CHERP: variants seen among roughly 807,000 people sequenced by gnomAD.
CHERP encodes the protein ERPROT 213-21.
A neutral mutation model predicts 113.8 loss-of-function variants in CHERP; 8 were observed. That is an observed-to-expected ratio of 0.07 (90% CI 0.04 to 0.13). The LOEUF (loss-of-function observed/expected upper bound fraction) is 0.13. Among genes scored for constraint, CHERP ranks in the 10% least tolerant of loss-of-function variants. The probability of loss-of-function intolerance (pLI) is 1.00; values close to 1 mark genes in which losing one functional copy is unlikely to be tolerated. For missense variants in CHERP, 884 were observed against 1,298.2 expected, an observed-to-expected ratio of 0.68 and a Z score of 4.90; for synonymous variants, 559 against 524.5, an observed-to-expected ratio of 1.07 and a Z score of -0.90.
At position 16,530,439 on chromosome 19, in the gene CHERP, C is replaced by T. The variant is rs1212348473; in HGVS notation, c.876+146G>A. On this transcript the variant is annotated intron_variant, in intron 7 of 16. Transcript: ENST00000546361. The surrounding 1 kb of genome is among the most constrained non-coding windows in gnomAD (Gnocchi z 4.1). Reference sequence around the variant, plus strand: ...GAAATGTCACCTGGGACTCTCTGGTCAACACACACTGGCTACTCCTAGCAC... The same window carrying T: ...GAAATGTCACCTGGGACTCTCTGGTTAACACACACTGGCTACTCCTAGCAC... 2 of 739,870 alleles carry T rather than the reference C, an allele frequency of 2.7e-6. No individual in the cohort carries two copies. The highest frequency in any genetic ancestry group is 3.5e-5 in the African/African-American group (2 of 57,542). 45.8% of individuals were successfully genotyped at this position (739,870 alleles called of 1,614,324 possible).
intron 9 of CHERP, among the ~76,000 whole-genome samples, chr19:16,526,757 C>T (rs1054026919): frequency 1.3e-4 from 19 of 151,812 alleles, no homozygotes; most frequent in Admixed American, 5.2e-4. Context: ...TTAGCCACCA[C>T]GCCCAGCCTT....
intron 11 of CHERP, 101 bp from the exon 12 acceptor site, chr19:16,521,755 T>C: frequency 8.6e-7 from 1 of 1,163,298 alleles, no homozygotes; most frequent in African/African-American, 1.6e-5. Flanking sequence ...CCAGGTTCAG[T>C]GTCAAGGGTA....
In CHERP at chr19:16,530,603, C is replaced by A. The variant is rs775359545; in HGVS notation, c.858G>T (p.Leu286=). 6.2e-7 allele frequency: 1 copy of A among 1,614,006 alleles called. No individual in the cohort carries two copies. Among genetic ancestry groups the A allele is most frequent in the Non-Finnish European group, 8.5e-7 (1 of 1,179,922 alleles). ...CACTCACCTGGTACTGACCAAGCCC[C>A]AGGGCTGGGCTCTGTAGCTGCTGAA... The part of the protein sequence containing the change: ...SIIQQLQSPA[L]GLGQYQATLI... Residue 286 remains leucine (L), a synonymous_variant, in exon 7 of 17, where the codon CTG becomes CTT. Coordinates refer to ENST00000546361, the MANE Select transcript of CHERP (RefSeq NM_006387.6). This position sits in a 1 kb window ranked among gnomAD's most constrained non-coding sequence, Gnocchi z 4.1.
chr19:16,524,975 G>A (rs1260478751), intron 10 of CHERP, among the ~76,000 whole-genome samples: 3 of 152,132 alleles, frequency 2.0e-5, no homozygotes, highest in East Asian at 1.9e-4. Flanking sequence ...GCCCCGCCCT[G>A]CCCTCGCCAC....
intron 11 of CHERP, among the ~76,000 whole-genome samples, chr19:16,522,709 C>T (rs1239103778): frequency 6.6e-6 from 1 of 152,158 alleles, no homozygotes; most frequent in East Asian, 1.9e-4. Context: ...CCTTCTAAGA[C>T]ATTCCCTCCA....
intron 3 of CHERP, 32 bp from the exon 4 acceptor site, chr19:16,533,180 C>A: frequency 6.4e-7 from 1 of 1,561,928 alleles, no homozygotes; most frequent in Non-Finnish European, 8.7e-7. Flanking sequence ...GTCGAGAACA[C>A]ATGAGGAGGG....
Position 16,532,116 on chromosome 19 carries a change from T to C in CHERP, c.674+482A>G, listed in dbSNP as rs2085709552. On this transcript the variant is annotated intron_variant, in intron 5 of 16. Coordinates refer to ENST00000546361, the MANE Select transcript of CHERP (RefSeq NM_006387.6). The surrounding 1 kb of genome is among the most constrained non-coding windows in gnomAD (Gnocchi z 4.4). ...AGAGGGTCGGCAGATGTGGCTCTGT[T>C]GAAGCCTGAGAGATGGGTCAGGGCT... 1 of 155,078 alleles carries C rather than the reference T, an allele frequency of 6.4e-6. No homozygotes were observed. The highest frequency in any genetic ancestry group is 1.4e-5 in the Non-Finnish European group (1 of 69,972). The allele number at this position is 155,078 out of a possible 1,614,324, so 9.6% of individuals were successfully genotyped here.
chr19:16,525,875 T>C lies in CHERP; in HGVS notation c.1306-198A>G, dbSNP rs1267440180. Among the ~76,000 whole-genome samples, 3 of 152,122 alleles carry C rather than the reference T, an allele frequency of 2.0e-5. No homozygotes were observed. The highest frequency in any genetic ancestry group is 4.4e-5 in the Non-Finnish European group (3 of 68,006). On this transcript the variant is annotated intron_variant, in intron 9 of 16. Transcript: ENST00000546361. The surrounding 1 kb of genome is among the most constrained non-coding windows in gnomAD (Gnocchi z 6.5). ...GCCCGCACCACATGCTGCTGCAAAA[T>C]GACCAGACACCCAACCGCTGCACCC...
chr19:16,523,061 G>A lies in CHERP; in HGVS notation c.1971C>T (p.Pro657=), dbSNP rs777195535. 4.6e-6 allele frequency: 7 copies of A among 1,513,220 alleles called. No homozygotes were observed. Among genetic ancestry groups the A allele is most frequent in the Non-Finnish European group, 6.2e-6 (7 of 1,134,672 alleles). The allele number at this position is 1,513,220 out of a possible 1,614,324, so 93.7% of individuals were successfully genotyped here. The change falls in exon 11 of 17, where the codon CCC becomes CCT. Residue 657 remains proline (P), a synonymous_variant. Coordinates refer to ENST00000546361, the MANE Select transcript of CHERP (RefSeq NM_006387.6). The surrounding 1 kb of genome is among the most constrained non-coding windows in gnomAD (Gnocchi z 4.0). The stretch of plus-strand genomic sequence containing the variant: ...CACTGTGGGGCATTACCTTCACGAG[G>A]GGGGCCATCAGCCCAGCAGGGAGAT... ...YFDLPAGLMA[P]LVKLEDHEYK... is the part of the protein sequence containing the mutation.
Position 16,529,902 on chromosome 19 carries a change from TGA to T in CHERP, c.877-4_877-3del. On this transcript the variant is annotated splice_region_variant and splice_polypyrimidine_tract_variant and intron_variant, in intron 7 of 16. Coordinates refer to ENST00000546361, the MANE Select transcript of CHERP (RefSeq NM_006387.6). Reference sequence around the variant, plus strand: ...GGAGTACTCGTTGATGAGGGTGGCCTGAGAGAGAGAAGAGCACCCGCTGCTCA... The same window carrying T: ...GGAGTACTCGTTGATGAGGGTGGCCTGAGAGAGAAGAGCACCCGCTGCTCA... The T allele has an allele frequency of 6.2e-7, 1 of 1,612,030 alleles. No individual in the cohort carries two copies.
At chr19:16,531,975 C>CT (rs2085708539) in intron 5 of CHERP, 1 of 115,166 alleles carries the variant, frequency 8.7e-6, no homozygotes, top group Non-Finnish European at 1.8e-5. Flanking sequence ...TTTTTTTTTT[C>CT]TTTTTTGCTA....
Position 16,541,549 on chromosome 19 carries a change from CTA to C in CHERP, c.199+319_199+320del, listed in dbSNP as rs1471500369. ...TGTCCCATGGACTCCCATCCGGCCT[CTA>C]TCACTTCCTCCCTAGAAAACACTAA... is the stretch of plus-strand genomic sequence containing the variant. On this transcript the variant is annotated intron_variant, in intron 2 of 16. Coordinates refer to ENST00000546361, the MANE Select transcript of CHERP (RefSeq NM_006387.6). The C allele has an allele frequency of 2.3e-5, 6 of 266,062 alleles. No individual in the cohort carries two copies. The East Asian group carries it at 4.0e-4, about 18-fold the overall frequency. The allele number at this position is 266,062 out of a possible 1,614,324, so 16.5% of individuals were successfully genotyped here.
rs544661209 is a variant in CHERP, at chr19:16,535,648, G to C, written c.200-12C>G. The C allele has an allele frequency of 6.7e-7, 1 of 1,494,702 alleles. No individual in the cohort carries two copies. Among genetic ancestry groups the C allele is most frequent in the South Asian group, 1.3e-5 (1 of 75,642 alleles). The allele number at this position is 1,494,702 out of a possible 1,614,324, so 92.6% of individuals were successfully genotyped here. On this transcript the variant is annotated splice_polypyrimidine_tract_variant and intron_variant, in intron 2 of 16. Transcript: ENST00000546361. This position sits in a 1 kb window ranked among gnomAD's most constrained non-coding sequence, Gnocchi z 4.3. ...CTGCTTGCAGATGACTGGAGGGAGA[G>C]GAGGAGGGGTGCCCCATGAGAATGC...
intron 2 of CHERP, among the ~76,000 whole-genome samples, chr19:16,539,436 C>T (rs1033579351): frequency 1.3e-5 from 2 of 152,178 alleles, no homozygotes; most frequent in Non-Finnish European, 2.9e-5. Flanking sequence ...CGTGAGCCAC[C>T]GCGCCCGGCC....
chr19:16,527,182 G>C (rs1017780298), intron 9 of CHERP, among the ~76,000 whole-genome samples: 2 of 152,198 alleles, frequency 1.3e-5, no homozygotes, highest in African/African-American at 4.8e-5. Context: ...GACTGAGCCT[G>C]GAGACACTAA....
chr19:16,524,894 G>A (rs1033761680), intron 10 of CHERP, among the ~76,000 whole-genome samples: 1 of 151,898 alleles, frequency 6.6e-6, no homozygotes, highest in Non-Finnish European at 1.5e-5. Context: ...GCCAAGTATT[G>A]ATTTTTTAAA....
chr19:16,529,932 A>G (rs1423379262), intron 7 of CHERP, 32 bp from the exon 8 acceptor site: 2 of 1,598,730 alleles, frequency 1.3e-6, no homozygotes, highest in Non-Finnish European at 1.7e-6. Context: ...GCTGCTCAGT[A>G]TGCGGCCTTG....
At position 16,532,553 on chromosome 19, in the gene CHERP, G is replaced by A. The variant is rs776575686; in HGVS notation, c.674+45C>T. The A allele has an allele frequency of 6.5e-7, 1 of 1,531,654 alleles. No individual in the cohort carries two copies. Among genetic ancestry groups the A allele is most frequent in the East Asian group, 2.4e-5 (1 of 42,456 alleles). The allele number at this position is 1,531,654 out of a possible 1,614,324, so 94.9% of individuals were successfully genotyped here. On this transcript the variant is annotated intron_variant, in intron 5 of 16. Transcript: ENST00000546361. This position sits in a 1 kb window ranked among gnomAD's most constrained non-coding sequence, Gnocchi z 4.4. ...GCGGCCACCCAGGAGGGTTGAGGAG[G>A]AGCGCGAGGAAGTGGCGCTCTGGGC...
Position 16,518,913 on chromosome 19 carries a change from C to A in CHERP, c.*246G>T, listed in dbSNP as rs531994416. ...TTTTTTGCTTCGCTATAAAGGAAAA[C>A]GAGCCTGGGGCCCTGGTGGCTGCAG... On this transcript the variant is annotated 3_prime_UTR_variant, in exon 17 of 17. Transcript: ENST00000546361. 1.8e-6 allele frequency: 1 copy of A among 546,990 alleles called. No individual in the cohort carries two copies. 33.9% of individuals were successfully genotyped at this position (546,990 alleles called of 1,614,324 possible).
Sources: allele counts gnomAD v4.1 joint callset (sites outside exome capture counted in the v4.1 genomes callset), GRCh38; gene constraint gnomAD v4.1.1; non-coding constraint Gnocchi (gnomAD v3.1); transcripts MANE v1.5; gene names NCBI Gene and HGNC (gene_info 2026-07-23, HGNC 2026-07-21).